Variants in NRXN1 observed in about 807,000 individuals in gnomAD.
NRXN1 encodes the protein neurexin-1.
A neutral mutation model predicts 150.9 loss-of-function variants in NRXN1; 39 were observed. The ratio of observed to expected loss-of-function variants is 0.26; its 90% confidence interval spans 0.20 to 0.34. NRXN1 has a LOEUF of 0.34. Ranked by LOEUF, NRXN1 falls within the 10% of genes least tolerant of loss-of-function variation. The probability of loss-of-function intolerance (pLI) is 1.00; values close to 1 mark genes in which losing one functional copy is unlikely to be tolerated. For synonymous variants in NRXN1, 924 were observed against 757.0 expected (o/e 1.22, Z -3.62); for missense variants, 1,815 against 1,949.9 (o/e 0.93, Z 1.30).
At position 50,942,526 on chromosome 2, in the gene NRXN1, C is replaced by A. The variant is rs542949697; in HGVS notation, c.773-16571G>T. Among the ~76,000 whole-genome samples the A allele has an allele frequency of 7.2e-5, 11 of 152,258 alleles. No homozygotes were observed. The South Asian group carries it at 1.2e-3, about 17-fold the overall frequency. On this transcript the variant is annotated intron_variant, in intron 2 of 22. Coordinates refer to ENST00000401669, the MANE Select transcript of NRXN1 (RefSeq NM_001330078.2). ...GTAGAGCTGCCCAAGGCCTTGGGAG[C>A]CCCACTCTTGCATCTGCATGTCTTG...
intron 17 of NRXN1, among the ~76,000 whole-genome samples, chr2:50,367,654 C>G (rs1414176983): frequency 6.6e-6 from 1 of 151,980 alleles, no homozygotes; most frequent in African/African-American, 2.4e-5. Flanking sequence ...GAAAGCATAT[C>G]TACCTTCTGA....
At chr2:50,342,038 A>C (rs958882674) in intron 17 of NRXN1, among the ~76,000 whole-genome samples, 27 of 152,208 alleles carry the variant, frequency 1.8e-4, no homozygotes, top group African/African-American at 6.5e-4. Context: ...TCTGCCTCCG[A>C]TATCTTGCCT....
chr2:50,961,285 T>C (rs960786994), intron 2 of NRXN1, among the ~76,000 whole-genome samples: 3 of 151,876 alleles, frequency 2.0e-5, no homozygotes, highest in Admixed American at 1.3e-4. Flanking sequence ...TATTTTTCAT[T>C]AGGTATGGAC....
At chr2:50,846,209 T>G (rs1321007616) in intron 5 of NRXN1, among the ~76,000 whole-genome samples, 1 of 152,170 alleles carries the variant, frequency 6.6e-6, no homozygotes, top group Admixed American at 6.5e-5. Flanking sequence ...TTGTTCATTT[T>G]GTTTTGTGTT....
chr2:50,446,569 TC>T (rs760912960), intron 17 of NRXN1, among the ~76,000 whole-genome samples: 25 of 125,916 alleles, frequency 2.0e-4, no homozygotes, highest in Non-Finnish European at 3.5e-4. Flanking sequence ...TTTCCTTCCT[TC>T]CTTCTTTCCT....
In NRXN1 at chr2:50,091,382, C is replaced by A; in HGVS notation, c.3659G>T (p.Ser1220Ile). ...CACCTGCAACGTGGCATTGCCACCA[C>A]TCCTCGTGAAACGAACTACATGGTA... Reference protein sequence around the residue: ...GKYHVVRFTRSGGNATLQVDS... With the variant: ...GKYHVVRFTRIGGNATLQVDS... Residue 1220 changes from serine (S) to isoleucine (I), a missense_variant, in exon 19 of 23, where the codon AGT becomes ATT. Transcript: ENST00000401669. The A allele has an allele frequency of 6.2e-7, 1 of 1,614,228 alleles. No homozygotes were observed. Among genetic ancestry groups the A allele is most frequent in the Non-Finnish European group, 8.5e-7 (1 of 1,180,046 alleles).
rs559164875 is a variant in NRXN1 at position 50,355,467 on chromosome 2, C to T, written c.3364+109975G>A. ...TGCCTCCATGCCTCTTGTTTTACCT[C>T]CATTTCAACTTCTGCCACTTTCCCC... is the stretch of plus-strand genomic sequence containing the variant. On this transcript the variant is annotated intron_variant, in intron 17 of 22. Coordinates refer to ENST00000401669, the MANE Select transcript of NRXN1 (RefSeq NM_001330078.2). Among the ~76,000 whole-genome samples, 4 of 152,070 alleles carry T rather than the reference C, an allele frequency of 2.6e-5. No individual in the cohort carries two copies. The East Asian group carries it at 7.7e-4, about 29-fold the overall frequency.
chr2:50,332,128 A>T (rs2076875423), intron 17 of NRXN1, among the ~76,000 whole-genome samples: 1 of 152,196 alleles, frequency 6.6e-6, no homozygotes, highest in Non-Finnish European at 1.5e-5. Context: ...TGAATTGTAA[A>T]TGGTGAAATC....
At chr2:50,437,706 A>ATT (rs938813203) in intron 17 of NRXN1, among the ~76,000 whole-genome samples, 4 of 134,288 alleles carry the variant, frequency 3.0e-5, no homozygotes, top group African/African-American at 1.5e-4. Context: ...TTCTGGATGC[A>ATT]TTTGTGTGTG....
At chr2:50,521,083 A>T (rs1366805274) in intron 12 of NRXN1, among the ~76,000 whole-genome samples, 1 of 152,138 alleles carries the variant, frequency 6.6e-6, no homozygotes, top group East Asian at 1.9e-4. Context: ...TTACACTGGA[A>T]ACTTCCTGGT....
rs563329727 is a variant in NRXN1 at position 50,682,948 on chromosome 2, A to G, written c.833-59333T>C. Among the ~76,000 whole-genome samples the G allele has an allele frequency of 5.9e-5, 9 of 152,264 alleles. No homozygotes were observed. The South Asian group carries it at 1.2e-3, about 21-fold the overall frequency. ...AAGTTTTACACATACATCTATACCT[A>G]TATATGCATATAGGTCTATACACAA... On this transcript the variant is annotated intron_variant, in intron 5 of 22. Coordinates refer to ENST00000401669, the MANE Select transcript of NRXN1 (RefSeq NM_001330078.2).
chr2:50,430,900 T>C (rs1195353732), intron 17 of NRXN1, among the ~76,000 whole-genome samples: 1 of 152,142 alleles, frequency 6.6e-6, no homozygotes, highest in East Asian at 1.9e-4. Context: ...AACATTTTTG[T>C]CCTACTCTTC....
At chr2:50,118,369 T>G (rs1169219460) in intron 18 of NRXN1, among the ~76,000 whole-genome samples, 1 of 152,140 alleles carries the variant, frequency 6.6e-6, no homozygotes, top group East Asian at 1.9e-4. Context: ...GATTCGTGGA[T>G]AGGGTCAGTC....
intron 3 of NRXN1, among the ~76,000 whole-genome samples, chr2:50,925,678 A>T (rs753663745): frequency 9.2e-5 from 14 of 152,070 alleles, no homozygotes; most frequent in Admixed American, 2.0e-4. Flanking sequence ...CTCATACAGA[A>T]CACTGTAATA....
At chr2:50,802,243 G>A (rs889538271) in intron 5 of NRXN1, among the ~76,000 whole-genome samples, 6 of 152,170 alleles carry the variant, frequency 3.9e-5, no homozygotes, top group South Asian at 4.1e-4. Flanking sequence ...TGCAATCCCA[G>A]CACTTTGGGA....
intron 17 of NRXN1, among the ~76,000 whole-genome samples, chr2:50,410,136 G>A (rs567053837): frequency 1.3e-5 from 2 of 151,886 alleles, no homozygotes; most frequent in Non-Finnish European, 2.9e-5. Context: ...GTAGAAACTC[G>A]ACAATCCTAT....
At chr2:50,563,684 A>G (rs1217144881) in intron 8 of NRXN1, among the ~76,000 whole-genome samples, 1 of 152,216 alleles carries the variant, frequency 6.6e-6, no homozygotes, top group Non-Finnish European at 1.5e-5. Flanking sequence ...GTTTGCCTCC[A>G]GAGCCTGAAA....
chr2:50,248,745 T>C (rs1352172566), intron 17 of NRXN1, among the ~76,000 whole-genome samples: 1 of 152,192 alleles, frequency 6.6e-6, no homozygotes, highest in Admixed American at 6.6e-5. Context: ...ACATTTTTCC[T>C]GTCTTGTAAT....
chr2:50,275,089 T>G (rs1323200231), intron 17 of NRXN1, among the ~76,000 whole-genome samples: 1 of 152,210 alleles, frequency 6.6e-6, no homozygotes, highest in Non-Finnish European at 1.5e-5. Context: ...CTCCATTTGT[T>G]CTGCTCCTTT....
Sources: allele counts gnomAD v4.1 joint callset (sites outside exome capture counted in the v4.1 genomes callset), GRCh38; gene constraint gnomAD v4.1.1; transcripts MANE v1.5; gene names NCBI Gene and HGNC (gene_info 2026-07-23, HGNC 2026-07-21).